LARGE1: variants seen among roughly 807,000 people sequenced by gnomAD.
The protein encoded by LARGE1 is xylosyl- and glucuronyltransferase LARGE1.
In LARGE1, 43 loss-of-function variants were observed where a neutral mutation model predicts 87.6. The observed-to-expected ratio is 0.49, with a 90% CI of 0.38 to 0.63. LARGE1 has a LOEUF of 0.63. Ranked by LOEUF, LARGE1 falls within the 30% of genes least tolerant of loss-of-function variation. The pLI, the probability that LARGE1 is intolerant of heterozygous loss-of-function variation, is 0.00. For missense variants in LARGE1, 802 were observed against 1,000.2 expected, an observed-to-expected ratio of 0.80 and a Z score of 2.67; for synonymous variants, 434 against 394.6, an observed-to-expected ratio of 1.10 and a Z score of -1.18.
the LARGE1 span, among the ~76,000 whole-genome samples, chr22:33,100,173 TAAAAC>T: frequency 1.3e-5 from 2 of 151,560 alleles, no homozygotes; most frequent in East Asian, 3.9e-4. Flanking sequence ...CTGTCTCTAC[TAAAAC>T]AAAACAAAAC....
chr22:33,630,285 C>T (rs1210452686), intron 3 of LARGE1, among the ~76,000 whole-genome samples: 1 of 152,126 alleles, frequency 6.6e-6, no homozygotes, highest in Admixed American at 6.5e-5. Context: ...AATCAGTGAC[C>T]ACTGGTCCTT....
At chr22:33,562,580 C>T (rs2077893260) in intron 6 of LARGE1, among the ~76,000 whole-genome samples, 1 of 152,212 alleles carries the variant, frequency 6.6e-6, no homozygotes, top group African/African-American at 2.4e-5. Flanking sequence ...CCTACTCAAC[C>T]CCAGGAGCTG....
intron 1 of LARGE1, among the ~76,000 whole-genome samples, chr22:33,768,433 C>T (rs994253347): frequency 1.0e-4 from 12 of 115,254 alleles, no homozygotes; most frequent in South Asian, 6.2e-4. Flanking sequence ...CCAACGCGCG[C>T]GCTCACACAC....
chr22:33,722,247 AG>A (rs1368682000), intron 2 of LARGE1, among the ~76,000 whole-genome samples: 6 of 94,370 alleles, frequency 6.4e-5, no homozygotes, highest in African/African-American at 2.3e-4. Flanking sequence ...AAAGGAAGGG[AG>A]GAAGAGGGAG....
the LARGE1 span, among the ~76,000 whole-genome samples, chr22:33,089,387 C>CTA: frequency 4.3e-5 from 6 of 141,008 alleles, no homozygotes; most frequent in Non-Finnish European, 7.6e-5. Flanking sequence ...TCTTCTTCTT[C>CTA]CTCTTCTTCT....
At chr22:33,420,337 T>C (rs765299948) in intron 7 of LARGE1, among the ~76,000 whole-genome samples, 2 of 151,922 alleles carry the variant, frequency 1.3e-5, no homozygotes, top group Non-Finnish European at 2.9e-5. Context: ...AGCAGTGAAA[T>C]TGACAGAAAA....
intron 2 of LARGE1, among the ~76,000 whole-genome samples, chr22:33,678,099 G>T (rs2081636677): frequency 6.6e-6 from 1 of 152,224 alleles, no homozygotes; most frequent in Admixed American, 6.5e-5. Flanking sequence ...TGTAAAAGAA[G>T]TGGGACGTAT....
At chr22:33,309,959 T>A (rs1170049302) in intron 11 of LARGE1, among the ~76,000 whole-genome samples, 6 of 152,158 alleles carry the variant, frequency 3.9e-5, no homozygotes, top group African/African-American at 1.4e-4. Flanking sequence ...GTGACCTGAT[T>A]TACATTTTTA....
chr22:33,867,366 G>A (rs954712743), intron 1 of LARGE1, among the ~76,000 whole-genome samples: 5 of 152,082 alleles, frequency 3.3e-5, no homozygotes, highest in Non-Finnish European at 5.9e-5. Context: ...CTCATCCTGT[G>A]GGCTGGGACT....
At chr22:33,289,008 G>A (rs1164417607) in intron 12 of LARGE1, among the ~76,000 whole-genome samples, 1 of 151,998 alleles carries the variant, frequency 6.6e-6, no homozygotes, top group Non-Finnish European at 1.5e-5. Context: ...GCCCAGGCTG[G>A]AGTGCGGTGG....
At chr22:33,318,386 T>G (rs1936387871) in intron 10 of LARGE1, among the ~76,000 whole-genome samples, 1 of 152,196 alleles carries the variant, frequency 6.6e-6, no homozygotes, top group African/African-American at 2.4e-5. Context: ...TTGCGATAGT[T>G]TGCTGAGAAT....
chr22:33,422,510 C>CCTT, intron 7 of LARGE1, among the ~76,000 whole-genome samples: 1 of 136,608 alleles, frequency 7.3e-6, no homozygotes, highest in Non-Finnish European at 1.6e-5. Flanking sequence ...GTGCTACACA[C>CCTT]TTTTTTTTTT....
At chr22:33,773,174 C>T (rs1346398332) in intron 1 of LARGE1, among the ~76,000 whole-genome samples, 2 of 152,298 alleles carry the variant, frequency 1.3e-5, no homozygotes, top group South Asian at 2.1e-4. Flanking sequence ...TCTGGGGCCA[C>T]GCGAGCATCT....
At chr22:33,269,672 T>C (rs2145775743), downstream of LARGE1, among the ~76,000 whole-genome samples, 1 of 152,212 alleles carries the variant, frequency 6.6e-6, no homozygotes, top group East Asian at 1.9e-4. Context: ...TTCCCAGAAC[T>C]GCCTGACATT....
At chr22:33,385,436 G>C (rs1454988045) in intron 7 of LARGE1, among the ~76,000 whole-genome samples, 4 of 139,322 alleles carry the variant, frequency 2.9e-5, no homozygotes, top group African/African-American at 1.0e-4. Flanking sequence ...GCTGAGGCAG[G>C]AGAATCACTC....
chr22:33,625,508 AC>A (rs1229103172), intron 4 of LARGE1, among the ~76,000 whole-genome samples: 1 of 152,196 alleles, frequency 6.6e-6, no homozygotes, highest in Non-Finnish European at 1.5e-5. Context: ...CTAAGGCAGG[AC>A]TTTTTTACAG....
chr22:33,569,778 C>T (rs1288317536), intron 5 of LARGE1, among the ~76,000 whole-genome samples: 2 of 152,224 alleles, frequency 1.3e-5, no homozygotes, highest in African/African-American at 4.8e-5. Flanking sequence ...TCCCTTCCTC[C>T]AGCACAGCAT....
At chr22:33,549,973 C>T (rs1057480387) in intron 6 of LARGE1, among the ~76,000 whole-genome samples, 1 of 152,050 alleles carries the variant, frequency 6.6e-6, no homozygotes, top group African/African-American at 2.4e-5. Context: ...TGTACATGTG[C>T]CACATTTTCT....
intron 2 of LARGE1, among the ~76,000 whole-genome samples, chr22:33,665,378 C>A (rs2081239589): frequency 6.6e-6 from 1 of 152,192 alleles, no homozygotes; most frequent in African/African-American, 2.4e-5. Context: ...TGGAACCAAG[C>A]ACACAGTAAG....
Sources: allele counts gnomAD v4.1 joint callset (sites outside exome capture counted in the v4.1 genomes callset), GRCh38; gene constraint gnomAD v4.1.1; transcripts MANE v1.5; gene names NCBI Gene and HGNC (gene_info 2026-07-23, HGNC 2026-07-21).